Variants in IL31RA observed in about 807,000 individuals in gnomAD.
The protein encoded by IL31RA is interleukin 31 receptor A, also known as interleukin-31 receptor subunit alpha.
Under a neutral mutation model 83.7 loss-of-function variants are expected in IL31RA, and 66 were observed. That is an observed-to-expected ratio of 0.79 (90% CI 0.65 to 0.97). IL31RA has a LOEUF of 0.97. Ranked by LOEUF, IL31RA falls within the 50% of genes least tolerant of loss-of-function variation. IL31RA has a pLI of 0.00. For missense variants in IL31RA, 798 were observed against 919.4 expected (o/e 0.87, Z 1.71); for synonymous variants, 325 against 329.0 (o/e 0.99, Z 0.13).
At chr5:55,860,450 G>A (rs1244240116) in intron 2 of IL31RA, among the ~76,000 whole-genome samples, 2 of 152,004 alleles carry the variant, frequency 1.3e-5, no homozygotes, top group African/African-American at 2.4e-5. Flanking sequence ...TTCAGATGGC[G>A]TTGATCACTA....
At chr5:55,913,650 G>A in intron 13 of IL31RA, 80 bp downstream of exon 13, 2 of 864,474 alleles carry the variant, frequency 2.3e-6, no homozygotes, top group South Asian at 2.6e-5. Context: ...CTTCGTAGGA[G>A]AGGGCACTCT....
intron 11 of IL31RA, chr5:55,909,024 T>TA (rs2112568554): frequency 2.6e-6 from 1 of 385,684 alleles, no homozygotes; most frequent in South Asian, 8.9e-5. Flanking sequence ...AGAAGCCCTA[T>TA]ACCCATTCAT....
At chr5:55,844,722 C>G in the IL31RA span, among the ~76,000 whole-genome samples, 76 of 144,598 alleles carry the variant, frequency 5.3e-4, no homozygotes, top group Non-Finnish European at 9.2e-4. Flanking sequence ...TTTCCTTCTT[C>G]CCTTTCTGGT....
Position 55,920,541 on chromosome 5 carries a change from T to C in IL31RA, c.*3421T>C, listed in dbSNP as rs1374949289. Among the ~76,000 whole-genome samples, 4 of 152,256 alleles carry C rather than the reference T, an allele frequency of 2.6e-5. No homozygotes were observed. Among genetic ancestry groups the C allele is most frequent in the Admixed American group, 6.5e-5 (1 of 15,290 alleles). ...CCTATTCCCTATGGCGGCTTGCCCC[T>C]ACAAAGGCAGAGTTGAGTAGTTTCA... is the stretch of plus-strand genomic sequence containing the variant. On this transcript the variant is annotated 3_prime_UTR_variant, in exon 15 of 15. Transcript: ENST00000652347.
In IL31RA at chr5:55,917,824, C is replaced by G. The variant is rs942591799; in HGVS notation, c.*704C>G. Among the ~76,000 whole-genome samples, 1 of 151,556 alleles carries G rather than the reference C, an allele frequency of 6.6e-6. No homozygotes were observed. Among genetic ancestry groups the G allele is most frequent in the Non-Finnish European group, 1.5e-5 (1 of 67,904 alleles). ...TGTATGCTGCCGGGCGCAGCTCTGT[C>G]CAGTCTCCAGGGGGCCACTTCCCAG... On this transcript the variant is annotated 3_prime_UTR_variant, in exon 15 of 15. Coordinates refer to ENST00000652347, the MANE Select transcript of IL31RA (RefSeq NM_139017.7).
rs1749997983 is a variant in IL31RA at position 55,919,815 on chromosome 5, C to T, written c.*2695C>T. Among the ~76,000 whole-genome samples, 2 of 152,214 alleles carry T rather than the reference C, an allele frequency of 1.3e-5. No homozygotes were observed. On this transcript the variant is annotated 3_prime_UTR_variant, in exon 15 of 15. Coordinates refer to ENST00000652347, the MANE Select transcript of IL31RA (RefSeq NM_139017.7). ...GAGTTCAGGGCGCAGGTGACTTCCT[C>T]TCCTGGATCGAGTCACCAACTGTCC...
chr5:55,899,487 G>C (rs1748674706), intron 7 of IL31RA, among the ~76,000 whole-genome samples: 1 of 152,210 alleles, frequency 6.6e-6, no homozygotes, highest in South Asian at 2.1e-4. Flanking sequence ...GGAAATAAAA[G>C]ACTAGGGCAT....
In IL31RA at chr5:55,917,295, C is replaced by A; in HGVS notation, c.*175C>A. The A allele has an allele frequency of 6.6e-7, 1 of 1,514,718 alleles. No homozygotes were observed. 93.8% of individuals were successfully genotyped at this position (1,514,718 alleles called of 1,614,324 possible). On this transcript the variant is annotated 3_prime_UTR_variant, in exon 15 of 15. Transcript: ENST00000652347. ...TGGTCGGCAAAGATGCGACCTTGTA[C>A]TGGGAAGAAGGGATGGTGATAAGCC... is the stretch of plus-strand genomic sequence containing the variant.
Position 55,868,727 on chromosome 5 carries a change from C to T in IL31RA, c.155-64C>T, listed in dbSNP as rs574520056. On this transcript the variant is annotated intron_variant, in intron 2 of 14. Transcript: ENST00000652347. ...TATTTTCCATTAAAAATGTTCAATG[C>T]TGGCAATATTTATTGTGTACTGAAA... 3.3e-5 allele frequency: 32 copies of T among 957,930 alleles called. No homozygotes were observed. In the South Asian group the frequency reaches 4.0e-4, roughly 12 times the overall value. The allele number at this position is 957,930 out of a possible 1,614,324, so 59.3% of individuals were successfully genotyped here. A position where few individuals can be genotyped will look rare whatever the true frequency, so the allele number is the denominator to read the frequency against.
chr5:55,917,040 C>T lies in IL31RA; in HGVS notation c.2215C>T (p.Pro739Ser), dbSNP rs1749832636. The change falls in exon 15 of 15, where the codon CCA becomes TCA. Residue 739 changes from proline (P) to serine (S), a missense_variant. Physicochemically the swap from Pro to Ser is moderately conservative, Grantham distance 74. Transcript: ENST00000652347. The stretch of plus-strand genomic sequence containing the variant: ...TCTGTGTGAGGAAGGAGCCCCAAAT[C>T]CATATTTGAAAAATTCAGTGACAGC... Reference protein sequence around the residue: ...DHLCEEGAPNPYLKNSVTARE... With the variant: ...DHLCEEGAPNSYLKNSVTARE... The T allele has an allele frequency of 1.9e-6, 3 of 1,614,054 alleles. No individual in the cohort carries two copies. Among genetic ancestry groups the T allele is most frequent in the Admixed American group, 3.3e-5 (2 of 60,008 alleles).
rs1749697404 is a variant in IL31RA at position 55,914,872 on chromosome 5, A to G, written c.1762A>G (p.Thr588Ala). Reference sequence around the variant, plus strand: ...CAAATTGACTCATCTGTGTTGGCCCACCGTTCCCAACCCTGCTGAAAGTAG... The same window carrying G: ...CAAATTGACTCATCTGTGTTGGCCCGCCGTTCCCAACCCTGCTGAAAGTAG... ...PNKLTHLCWP[T>A]VPNPAESSIA... The change falls in exon 14 of 15, where the codon ACC (threonine) becomes GCC (alanine). Residue 588 changes from threonine to alanine, a missense_variant. By Grantham distance (58) the Thr-to-Ala change is moderately conservative. Transcript: ENST00000652347. 3 of 1,613,458 alleles carry G rather than the reference A, an allele frequency of 1.9e-6. No individual in the cohort carries two copies. Among genetic ancestry groups the G allele is most frequent in the Non-Finnish European group, 2.5e-6 (3 of 1,179,492 alleles).
intron 8 of IL31RA, among the ~76,000 whole-genome samples, chr5:55,904,451 G>C (rs1580732327): frequency 6.6e-6 from 1 of 152,322 alleles, no homozygotes; most frequent in East Asian, 1.9e-4. Flanking sequence ...CTTCCAGGCG[G>C]TGAGCAGGGG....
At position 55,890,025 on chromosome 5, in the gene IL31RA, C is replaced by T. The variant is rs150020891; in HGVS notation, c.662C>T (p.Thr221Met). 40 of 1,613,918 alleles carry T rather than the reference C, an allele frequency of 2.5e-5. No homozygotes were observed. Among genetic ancestry groups the T allele is most frequent in the Non-Finnish European group, 2.9e-5 (34 of 1,179,938 alleles). ...GATAAAAACCAAACGTACAACCTCA[C>T]GGGGCTGCAGCCTTTTACAGAATAT... The part of the protein sequence containing the change: ...RKDKNQTYNL[T>M]GLQPFTEYVI... Residue 221 changes from threonine to methionine, a missense_variant, in exon 6 of 15, where the codon ACG becomes ATG. Thr to Met is a moderately conservative substitution (Grantham distance 81, BLOSUM62 -1). Coordinates refer to ENST00000652347, the MANE Select transcript of IL31RA (RefSeq NM_139017.7).
chr5:55,867,788 G>A (rs768767219), intron 2 of IL31RA, among the ~76,000 whole-genome samples: 4 of 152,098 alleles, frequency 2.6e-5, no homozygotes, highest in Admixed American at 6.6e-5. Flanking sequence ...AAGAGAAAAT[G>A]AGAAAGAAGT....
the IL31RA span, among the ~76,000 whole-genome samples, chr5:55,842,503 C>A: frequency 1.3e-5 from 2 of 152,174 alleles, no homozygotes; most frequent in African/African-American, 2.4e-5. Context: ...ATACTTGTCA[C>A]TTTATCATTT....
rs1749849859 is a variant in IL31RA at position 55,917,329 on chromosome 5, G to A, written c.*209G>A. 4 of 1,442,798 alleles carry A rather than the reference G, an allele frequency of 2.8e-6. No individual in the cohort carries two copies. The South Asian group carries it at 5.7e-5, about 21-fold the overall frequency. The allele number at this position is 1,442,798 out of a possible 1,614,324, so 89.4% of individuals were successfully genotyped here. On this transcript the variant is annotated 3_prime_UTR_variant, in exon 15 of 15. Transcript: ENST00000652347. Reference sequence around the variant, plus strand: ...AGGGATGGTGATAAGCCCGAGTTTTGTAAAGGAACAGCAGTCTCTTTTCGT... The same window carrying A: ...AGGGATGGTGATAAGCCCGAGTTTTATAAAGGAACAGCAGTCTCTTTTCGT...
rs1447131651 is a variant in IL31RA, at chr5:55,903,365, C to T, written c.1070-2741C>T. Among the ~76,000 whole-genome samples the T allele has an allele frequency of 2.0e-5, 3 of 152,242 alleles. No individual in the cohort carries two copies. The highest frequency in any genetic ancestry group is 7.2e-5 in the African/African-American group (3 of 41,474). On this transcript the variant is annotated intron_variant, in intron 8 of 14. Coordinates refer to ENST00000652347, the MANE Select transcript of IL31RA (RefSeq NM_139017.7). The surrounding 1 kb of genome is among the most constrained non-coding windows in gnomAD (Gnocchi z 4.7). ...TGGCTTTCACAGTCAAAGCCCCTCC[C>T]TGCTTCTTCAAGGAAGGATCTGTGT...
chr5:55,860,410 A>G (rs1450700986), intron 2 of IL31RA, among the ~76,000 whole-genome samples: 1 of 152,096 alleles, frequency 6.6e-6, no homozygotes, highest in Non-Finnish European at 1.5e-5. Context: ...CTCTCTCTCT[A>G]AATATCTCAT....
chr5:55,863,648 A>G (rs1172437791), intron 2 of IL31RA, among the ~76,000 whole-genome samples: 1 of 152,254 alleles, frequency 6.6e-6, no homozygotes, highest in Non-Finnish European at 1.5e-5. Context: ...CACCAATATC[A>G]AGAGAGCCTT....
Sources: gnomAD v4.1 joint callset for allele counts (sites outside exome capture counted in the v4.1 genomes callset) on GRCh38, gnomAD v4.1.1 for gene constraint, Gnocchi (gnomAD v3.1) non-coding constraint, MANE v1.5 for transcripts, NCBI Gene and HGNC (gene_info 2026-07-23, HGNC 2026-07-21) for gene names.